Variants in PKD1 observed in about 807,000 individuals in gnomAD.
PKD1 encodes polycystin-1.
A neutral mutation model predicts 361.7 loss-of-function variants in PKD1; 81 were observed. That is an observed-to-expected ratio of 0.22 (90% CI 0.19 to 0.27). The LOEUF is 0.27. Ranked by LOEUF, PKD1 falls within the 10% of genes least tolerant of loss-of-function variation. The pLI is 1.00. For missense variants in PKD1, 6,399 were observed against 6,118.3 expected, an observed-to-expected ratio of 1.05 and a Z score of -1.53; for synonymous variants, 3,615 against 2,818.3, an observed-to-expected ratio of 1.28 and a Z score of -8.95.
In PKD1 at chr16:2,106,328, C is replaced by G. The variant is rs1042595784; in HGVS notation, c.7490-24G>C. 6.2e-7 allele frequency: 1 copy of G among 1,606,314 alleles called. No homozygotes were observed. Among genetic ancestry groups the G allele is most frequent in the Non-Finnish European group, 8.5e-7 (1 of 1,176,902 alleles). Reference sequence around the variant, plus strand: ...GCCTGAGGGACGGTCCCCACGGCATCACGGGAGGGCTCCGTGACGTCACAG... The same window carrying G: ...GCCTGAGGGACGGTCCCCACGGCATGACGGGAGGGCTCCGTGACGTCACAG... On this transcript the variant is annotated intron_variant, in intron 18 of 45. Coordinates refer to ENST00000262304, the MANE Select transcript of PKD1 (RefSeq NM_001009944.3). The surrounding 1 kb of genome is among the most constrained non-coding windows in gnomAD (Gnocchi z 6.5).
rs779492205 is a variant in PKD1 at position 2,099,862 on chromosome 16, T to G, written c.9922A>C (p.Ser3308Arg). The G allele has an allele frequency of 1.3e-6, 2 of 1,566,142 alleles. No homozygotes were observed. The highest frequency in any genetic ancestry group is 1.7e-6 in the Non-Finnish European group (2 of 1,156,762). ...WYGAVGDSAY[S>R]TGHVSRLSPL... is the part of the protein sequence containing the mutation. ...TGCCCCGACCCCTACGGCACCCACC[T>G]GTAGGCAGAGTCGCCAACAGCCCCG... The change falls in exon 29 of 46, where the codon AGC becomes CGC. Residue 3308 changes from serine to arginine, a missense_variant and splice_region_variant. Transcript: ENST00000262304.
Position 2,090,196 on chromosome 16 carries a change from TG to T in PKD1, c.12445-3del, listed in dbSNP as rs2091415042. The T allele has an allele frequency of 1.9e-6, 3 of 1,605,728 alleles. No homozygotes were observed. The highest frequency in any genetic ancestry group is 1.1e-5 in the South Asian group (1 of 90,548). ...TTCAAAGCGGACTTTGTGGCGGAAC[TG>T]GGGGCGGCACAGGGGCTCAGTCAGT... On this transcript the variant is annotated splice_polypyrimidine_tract_variant and splice_region_variant and intron_variant, in intron 45 of 45. Transcript: ENST00000262304.
Position 2,100,894 on chromosome 16 carries a change from G to A in PKD1, c.9398-328C>T, listed in dbSNP as rs182480860. On this transcript the variant is annotated intron_variant, in intron 26 of 45. Coordinates refer to ENST00000262304, the MANE Select transcript of PKD1 (RefSeq NM_001009944.3). This position sits in a 1 kb window ranked among gnomAD's most constrained non-coding sequence, Gnocchi z 4.4. The stretch of plus-strand genomic sequence containing the variant: ...TCAGTCATGCCACAACCGGTGACCC[G>A]CACCACACACCCGTCCCTCAGTTCA... 16 of 444,624 alleles carry A rather than the reference G, an allele frequency of 3.6e-5. No homozygotes were observed. Among genetic ancestry groups the A allele is most frequent in the Admixed American group, 2.1e-4 (6 of 28,284 alleles). 27.5% of individuals were successfully genotyped at this position (444,624 alleles called of 1,614,324 possible). A position where few individuals can be genotyped will look rare whatever the true frequency, so the allele number is the denominator to read the frequency against.
chr16:2,099,926 G>A lies in PKD1; in HGVS notation c.9858C>T (p.Leu3286=). The change falls in exon 29 of 46, where the codon CTC becomes CTT. Residue 3286 remains leucine (L), a synonymous_variant. Coordinates refer to ENST00000262304, the MANE Select transcript of PKD1 (RefSeq NM_001009944.3). ...TRIQRATCCV[L]LICLFLGANA... ...TGGCGCCCAGGAAGAGGCAGATGAG[G>A]AGAACGCAGCAGGTGGCCCTCTGGA... The A allele has an allele frequency of 6.4e-7, 1 of 1,563,540 alleles. No homozygotes were observed. The highest frequency in any genetic ancestry group is 8.7e-7 in the Non-Finnish European group (1 of 1,155,394).
chr16:2,097,902 C>T lies in PKD1; in HGVS notation c.10133G>A (p.Ser3378Asn). Residue 3378 changes from serine to asparagine, a missense_variant, in exon 31 of 46, where the codon AGC becomes AAC. Physicochemically the swap from Ser to Asn is conservative, Grantham distance 46 (BLOSUM62 1). Transcript: ENST00000262304. ...DSCLDSSVLD[S>N]SFLTFSGLHA... Reference sequence around the variant, plus strand: ...GAGGCCTGAGAACGTGAGGAAGGAGCTGTCCAGCACGGACGAGTCCAGGCA... The same window carrying T: ...GAGGCCTGAGAACGTGAGGAAGGAGTTGTCCAGCACGGACGAGTCCAGGCA... The T allele has an allele frequency of 6.2e-7, 1 of 1,604,206 alleles. No homozygotes were observed. Among genetic ancestry groups the T allele is most frequent in the Non-Finnish European group, 8.5e-7 (1 of 1,173,766 alleles).
rs765373300 is a variant in PKD1 at position 2,097,475 on chromosome 16, T to C, written c.10249A>G (p.Thr3417Ala). 20 of 1,602,776 alleles carry C rather than the reference T, an allele frequency of 1.2e-5. No individual in the cohort carries two copies. Among genetic ancestry groups the C allele is most frequent in the Non-Finnish European group, 1.6e-5 (19 of 1,179,844 alleles). The change falls in exon 33 of 46, where the codon ACG (threonine) becomes GCG (alanine). Residue 3417 changes from threonine to alanine, a missense_variant. By Grantham distance (58) the Thr-to-Ala change is moderately conservative. Transcript: ENST00000262304. ...SLVCWPSGEGTLSWPDLLSDP... is the reference protein window; with the variant it reads ...SLVCWPSGEGALSWPDLLSDP... ...CTGAGCAGGTCCGGCCAACTGAGCG[T>C]TCCCTCGCCGGAGGGCCAGCACACC...
chr16:2,104,842 T>C (rs2092272979), intron 21 of PKD1, among the ~76,000 whole-genome samples, 200 bp from the exon 22 acceptor site: 1 of 125,442 alleles, frequency 8.0e-6, no homozygotes, highest in Non-Finnish European at 1.7e-5. Context: ...GACCACGTGA[T>C]GCAGCCCACC....
chr16:2,107,925 G>C lies in PKD1; in HGVS notation c.7023C>G (p.Thr2341=), dbSNP rs555685116. ...AAGVEYTFSL[T]VWKAGRKEEA... The stretch of plus-strand genomic sequence containing the variant: ...CCTCCTTGCGGCCGGCCTTCCACAC[G>C]GTCAGGCTGAAGGTGTACTCCACGC... The change falls in exon 16 of 46, where the codon ACC becomes ACG. Residue 2341 remains threonine, a synonymous_variant. Transcript: ENST00000262304. The C allele has an allele frequency of 6.5e-7, 1 of 1,545,998 alleles. No individual in the cohort carries two copies. The highest frequency in any genetic ancestry group is 2.0e-5 in the Admixed American group (1 of 51,008).
Position 2,097,515 on chromosome 16 carries a change from G to A in PKD1, c.10221-12C>T, listed in dbSNP as rs1344279398. 23 of 1,601,502 alleles carry A rather than the reference G, an allele frequency of 1.4e-5. No individual in the cohort carries two copies. The highest frequency in any genetic ancestry group is 2.2e-5 in the South Asian group (2 of 90,994). The stretch of plus-strand genomic sequence containing the variant: ...GCCAGCACACCAGACTGCAGGTGGC[G>A]CGGGTCAGCAAGGTACCAGGGGATG... On this transcript the variant is annotated splice_polypyrimidine_tract_variant and intron_variant, in intron 32 of 45. Coordinates refer to ENST00000262304, the MANE Select transcript of PKD1 (RefSeq NM_001009944.3).
intron 1 of PKD1, among the ~76,000 whole-genome samples, chr16:2,120,873 C>T (rs1391053174): frequency 6.6e-6 from 1 of 152,054 alleles, no homozygotes; most frequent in African/African-American, 2.4e-5. Context: ...AAAAATTAGC[C>T]GGGCATGGCG....
intron 26 of PKD1, among the ~76,000 whole-genome samples, chr16:2,101,634 A>G (rs1464773919): frequency 1.3e-5 from 2 of 152,250 alleles, no homozygotes; most frequent in Non-Finnish European, 2.9e-5. Flanking sequence ...AAGAAAAACG[A>G]AAACAAAAAG....
chr16:2,093,577 G>A lies in PKD1; in HGVS notation c.10983C>T (p.Ala3661=). 6.2e-7 allele frequency: 1 copy of A among 1,607,158 alleles called. No individual in the cohort carries two copies. Among genetic ancestry groups the A allele is most frequent in the Non-Finnish European group, 8.5e-7 (1 of 1,177,138 alleles). The stretch of plus-strand genomic sequence containing the variant: ...TGCCATGTAGCCTCTTGACCTTGCG[G>A]GCTTCTTCCTTGGCCAGGAAGAGTG... ...GFALFLAKEE[A]RKVKRLHGML... is the part of the protein sequence containing the mutation. Residue 3661 remains alanine, a synonymous_variant, in exon 37 of 46, where the codon GCC becomes GCT. Coordinates refer to ENST00000262304, the MANE Select transcript of PKD1 (RefSeq NM_001009944.3).
rs375440448 is a variant in PKD1 at position 2,109,285 on chromosome 16, G to T, written c.5882C>A (p.Ala1961Glu). 9 of 1,583,378 alleles carry T rather than the reference G, an allele frequency of 5.7e-6. No individual in the cohort carries two copies. The highest frequency in any genetic ancestry group is 5.1e-5 in the Admixed American group (3 of 59,346). The change falls in exon 15 of 46, where the codon GCG becomes GAG. Residue 1961 changes from alanine to glutamate, a missense_variant. Transcript: ENST00000262304. ...CTCCAGCACCACGATGCGCACCTGC[G>T]CCTGGGCCCAGCTCACGTGGTTTTT... is the stretch of plus-strand genomic sequence containing the variant. ...RGKNHVSWAQ[A>E]QVRIVVLEAV...
chr16:2,116,732 C>T, intron 7 of PKD1, 88 bp from the exon 8 acceptor site: 2 of 1,128,234 alleles, frequency 1.8e-6, no homozygotes. Context: ...CCGAAAACCC[C>T]CCCACCAGCC....
Position 2,091,077 on chromosome 16 carries a change from G to A in PKD1, c.11810C>T (p.Ala3937Val), listed in dbSNP as rs1428829189. The A allele has an allele frequency of 4.6e-6, 7 of 1,512,648 alleles. No individual in the cohort carries two copies. Among genetic ancestry groups the A allele is most frequent in the Non-Finnish European group, 6.2e-6 (7 of 1,136,040 alleles). 93.7% of individuals were successfully genotyped at this position (1,512,648 alleles called of 1,614,324 possible). ...CGTCAGCGCCACCAGCAGCCACCGCGCCCAGGCTCCGAGCCGCAGCACGCG... is the reference window on the plus strand; with the variant it reads ...CGTCAGCGCCACCAGCAGCCACCGCACCCAGGCTCCGAGCCGCAGCACGCG... ...RWRVLRLGAW[A>V]RWLLVALTAA... Residue 3937 changes from alanine (A) to valine (V), a missense_variant, in exon 43 of 46, where the codon GCG becomes GTG. Transcript: ENST00000262304.
rs1567186697 is a variant in PKD1, at chr16:2,106,699, A to G, written c.7210-22T>C. ...ACCGCTGCAGGCAGAAGGGGTGGTG[A>G]GGGGGCGCAACCCTCTGCCCTGTCA... is the stretch of plus-strand genomic sequence containing the variant. On this transcript the variant is annotated intron_variant, in intron 17 of 45. Transcript: ENST00000262304. This position sits in a 1 kb window ranked among gnomAD's most constrained non-coding sequence, Gnocchi z 6.5. 3 of 1,583,612 alleles carry G rather than the reference A, an allele frequency of 1.9e-6. No individual in the cohort carries two copies. Among genetic ancestry groups the G allele is most frequent in the Non-Finnish European group, 8.5e-7 (1 of 1,170,594 alleles).
chr16:2,092,889 G>A lies in PKD1; in HGVS notation c.11156+65C>T, dbSNP rs1465866507. Reference sequence around the variant, plus strand: ...CTACACATGTCCACATGTCCCCTAGGGTCTGGCTGGACTAAAGGCAAAACT... The same window carrying A: ...CTACACATGTCCACATGTCCCCTAGAGTCTGGCTGGACTAAAGGCAAAACT... On this transcript the variant is annotated intron_variant, in intron 38 of 45. Coordinates refer to ENST00000262304, the MANE Select transcript of PKD1 (RefSeq NM_001009944.3). 6 of 1,585,142 alleles carry A rather than the reference G, an allele frequency of 3.8e-6. No individual in the cohort carries two copies. In the African/African-American group the frequency reaches 5.4e-5, roughly 14 times the overall value.
rs1428669259 is a variant in PKD1 at position 2,092,955 on chromosome 16, G to C, written c.11155C>G (p.Arg3719Gly). The change falls in exon 38 of 46, where the codon CGG (arginine) becomes GGG (glycine). Residue 3719 changes from arginine (R) to glycine (G), a missense_variant and splice_region_variant. Coordinates refer to ENST00000262304, the MANE Select transcript of PKD1 (RefSeq NM_001009944.3). ...GACCAGTGCACCGGATGCCCGTACC[G>C]CGTGATGGCCAGGAAGGCCCGGCTG... ...LHSRAFLAIT[R>G]SEELWPWMAH... 5 of 1,612,870 alleles carry C rather than the reference G, an allele frequency of 3.1e-6. No homozygotes were observed. Among genetic ancestry groups the C allele is most frequent in the Non-Finnish European group, 4.2e-6 (5 of 1,180,002 alleles).
chr16:2,099,241 C>G (rs546627142), intron 30 of PKD1: 8 of 355,072 alleles, frequency 2.3e-5, no homozygotes, highest in Non-Finnish European at 3.9e-5. Flanking sequence ...GGATTACAGG[C>G]GTGAGCCACC....
Sources: allele counts gnomAD v4.1 joint callset (sites outside exome capture counted in the v4.1 genomes callset), GRCh38; gene constraint gnomAD v4.1.1; non-coding constraint Gnocchi (gnomAD v3.1); transcripts MANE v1.5; gene names NCBI Gene and HGNC (gene_info 2026-07-23, HGNC 2026-07-21).